The following FER1L6 variants were observed in gnomAD, a reference collection of about 807,000 sequenced individuals.
FER1L6 encodes the protein fer-1-like protein 6.
In FER1L6, 177 loss-of-function variants were observed where a neutral mutation model predicts 219.2. The ratio of observed to expected loss-of-function variants is 0.81; its 90% CI spans 0.71 to 0.91. The LOEUF (loss-of-function observed/expected upper bound fraction) is 0.91. Ranked by LOEUF, FER1L6 falls within the 40% of genes least tolerant of loss-of-function variation. The probability of loss-of-function intolerance (pLI) is 0.00; values close to 1 mark genes in which losing one functional copy is unlikely to be tolerated. For missense variants in FER1L6, 2,153 were observed against 2,259.9 expected (o/e 0.95, Z 0.96); for synonymous variants, 768 against 824.3 (o/e 0.93, Z 1.17).
chr8:124,086,270 A>G lies in FER1L6; in HGVS notation c.4391+3812A>G, dbSNP rs139487516. Among the ~76,000 whole-genome samples, 769 of 147,690 alleles carry G rather than the reference A, an allele frequency of 5.2e-3. 4 individuals carry two copies. Among genetic ancestry groups the G allele is most frequent in the African/African-American group, 0.018 (705 of 40,080 alleles). ...TGTTTTTTGATTGTTTTTGCTGTCT[A>G]CTCTTCCTTCTTGTCTTCCTTTTAG... On this transcript the variant is annotated intron_variant, in intron 33 of 40. Coordinates refer to ENST00000522917, the MANE Select transcript of FER1L6 (RefSeq NM_001039112.2).
At chr8:124,046,755 C>T (rs985202468) in intron 21 of FER1L6, 10 of 152,204 alleles carry the variant, frequency 6.6e-5, no homozygotes, top group African/African-American at 2.2e-4. Context: ...CCTTGGAGAC[C>T]ATGAAGTTCC....
intron 38 of FER1L6, among the ~76,000 whole-genome samples, chr8:124,102,292 C>T (rs1025041556): frequency 4.6e-5 from 7 of 152,114 alleles, no homozygotes; most frequent in Non-Finnish European, 8.8e-5. Context: ...GGCTTACACA[C>T]TCAAGTGATA....
chr8:123,990,107 A>C (rs1382873678), intron 12 of FER1L6, among the ~76,000 whole-genome samples: 1 of 152,092 alleles, frequency 6.6e-6, no homozygotes, highest in Admixed American at 6.5e-5. Flanking sequence ...TCTCTACTAA[A>C]AATACAAAAA....
rs1178851971 is a variant in FER1L6, at chr8:123,853,560, T to G, written c.-8+1375T>G. ...CAAGGCTGTTGAAAAATTGTTACTT[T>G]TTTCCTGGGGTATTGTATTAATCAG... On this transcript the variant is annotated intron_variant, in intron 1 of 40. Coordinates refer to ENST00000522917, the MANE Select transcript of FER1L6 (RefSeq NM_001039112.2). The surrounding 1 kb of genome is among the most constrained non-coding windows in gnomAD (Gnocchi z 6.6). Among the ~76,000 whole-genome samples, 1 of 152,220 alleles carries G rather than the reference T, an allele frequency of 6.6e-6. No individual in the cohort carries two copies. Among genetic ancestry groups the G allele is most frequent in the African/African-American group, 2.4e-5 (1 of 41,462 alleles).
At position 124,103,084 on chromosome 8, in the gene FER1L6, G is replaced by A. The variant is rs571749983; in HGVS notation, c.5126-62G>A. On this transcript the variant is annotated intron_variant, in intron 38 of 40. Transcript: ENST00000522917. Reference sequence around the variant, plus strand: ...GAATGAATGAATGAGGATGGTGATTGAGAAGCTCTTCTGTTACTTTTAGAA... The same window carrying A: ...GAATGAATGAATGAGGATGGTGATTAAGAAGCTCTTCTGTTACTTTTAGAA... The A allele has an allele frequency of 2.8e-6, 4 of 1,435,468 alleles. No homozygotes were observed. The Admixed American group carries it at 5.3e-5, about 19-fold the overall frequency. The allele number at this position is 1,435,468 out of a possible 1,614,324, so 88.9% of individuals were successfully genotyped here.
chr8:124,114,275 A>G (rs374846744), intron 39 of FER1L6, among the ~76,000 whole-genome samples: 1 of 152,018 alleles, frequency 6.6e-6, no homozygotes, highest in South Asian at 2.1e-4. Flanking sequence ...TTAATAACCA[A>G]ATTTTAGAAT....
At chr8:123,898,823 G>GTATATATATACATACATATGTGTA (rs1554613209) in intron 1 of FER1L6, among the ~76,000 whole-genome samples, 27 of 108,184 alleles carry the variant, frequency 2.5e-4, no homozygotes, top group East Asian at 7.0e-4. Flanking sequence ...ATACATATGT[G>GTATATATATACATACATATGTGTA]TATATATATA....
At chr8:123,886,992 G>C (rs960786170) in intron 1 of FER1L6, among the ~76,000 whole-genome samples, 8 of 152,080 alleles carry the variant, frequency 5.3e-5, no homozygotes, top group African/African-American at 1.9e-4. Context: ...ACCAGATCCA[G>C]ACAATGAGAT....
intron 37 of FER1L6, among the ~76,000 whole-genome samples, chr8:124,098,391 T>G (rs996141497): frequency 6.6e-6 from 1 of 152,098 alleles, no homozygotes; most frequent in African/African-American, 2.4e-5. Flanking sequence ...GATGAGGTGG[T>G]ATAGCATCAG....
chr8:123,970,462 T>A (rs1438942120), intron 6 of FER1L6, among the ~76,000 whole-genome samples: 1 of 151,972 alleles, frequency 6.6e-6, no homozygotes, highest in African/African-American at 2.4e-5. Context: ...TGTTTCTTTC[T>A]TGGGCTGGTA....
At chr8:123,881,452 T>C (rs1817108458) in intron 1 of FER1L6, among the ~76,000 whole-genome samples, 1 of 152,220 alleles carries the variant, frequency 6.6e-6, no homozygotes, top group Non-Finnish European at 1.5e-5. Context: ...TACTGACTTA[T>C]ATGATATTTA....
intron 1 of FER1L6, among the ~76,000 whole-genome samples, chr8:123,866,254 C>T (rs1036556205): frequency 3.3e-5 from 5 of 151,898 alleles, no homozygotes; most frequent in Non-Finnish European, 7.4e-5. Flanking sequence ...CATGTTGTCA[C>T]AGATGTCAGC....
chr8:123,980,702 C>A lies in FER1L6; in HGVS notation c.1301C>A (p.Ser434Tyr). The A allele has an allele frequency of 3.1e-6, 5 of 1,614,148 alleles. No homozygotes were observed. The highest frequency in any genetic ancestry group is 4.2e-6 in the Non-Finnish European group (5 of 1,180,010). ...TCCAAGGACAAAGACTCCAAATCTT[C>A]CAAAGGTAAAGACAAGGCTGACAAA... ...LPSKDKDSKS[S>Y]KGKDKADKTE... is the part of the protein sequence containing the mutation. The change falls in exon 11 of 41, where the codon TCC (serine) becomes TAC (tyrosine). Residue 434 changes from serine (S) to tyrosine (Y), a missense_variant. Coordinates refer to ENST00000522917, the MANE Select transcript of FER1L6 (RefSeq NM_001039112.2).
chr8:124,040,489 C>T (rs1189805020), intron 20 of FER1L6: 1 of 185,964 alleles, frequency 5.4e-6, no homozygotes, highest in African/African-American at 2.3e-5. Flanking sequence ...TCACAGTCCC[C>T]CTCCTCTGGA....
chr8:123,990,767 G>A (rs868345971), intron 12 of FER1L6, among the ~76,000 whole-genome samples: 22 of 152,152 alleles, frequency 1.4e-4, no homozygotes, highest in Middle Eastern at 3.4e-3. Flanking sequence ...TTTGCTTTTG[G>A]GGTCTTAGTT....
At chr8:124,089,011 T>C (rs1247017075) in intron 33 of FER1L6, among the ~76,000 whole-genome samples, 1 of 152,114 alleles carries the variant, frequency 6.6e-6, no homozygotes, top group Non-Finnish European at 1.5e-5. Context: ...GGTATTTCAC[T>C]ATGTCATGTG....
chr8:123,942,680 T>G (rs531007579), intron 1 of FER1L6, among the ~76,000 whole-genome samples: 2 of 152,362 alleles, frequency 1.3e-5, no homozygotes, highest in African/African-American at 4.8e-5. Flanking sequence ...TCCTTTTATG[T>G]ATCTTAAAAG....
chr8:123,868,971 G>T (rs193203341), intron 1 of FER1L6, among the ~76,000 whole-genome samples: 13 of 152,184 alleles, frequency 8.5e-5, no homozygotes, highest in Admixed American at 3.9e-4. Flanking sequence ...CATCTATCAG[G>T]TTAGTCTGAG....
intron 21 of FER1L6, chr8:124,047,468 G>A (rs1819787903): frequency 6.6e-6 from 1 of 152,200 alleles, no homozygotes; most frequent in Admixed American, 6.5e-5. Context: ...AGTGATGAGG[G>A]AGTCCTGCCC....
Sources: gnomAD v4.1 joint callset for allele counts (sites outside exome capture counted in the v4.1 genomes callset) on GRCh38, gnomAD v4.1.1 for gene constraint, Gnocchi (gnomAD v3.1) non-coding constraint, MANE v1.5 for transcripts, NCBI Gene and HGNC (gene_info 2026-07-23, HGNC 2026-07-21) for gene names.